DOCK5: variants seen among roughly 807,000 people sequenced by gnomAD.
DOCK5 encodes dedicator of cytokinesis protein 5.
Under a neutral mutation model 251.8 loss-of-function variants are expected in DOCK5, and 142 were observed. The observed-to-expected ratio is 0.56, with a 90% CI of 0.49 to 0.65. The LOEUF is 0.65. Among genes scored for constraint, DOCK5 ranks in the 30% least tolerant of loss-of-function variants. The pLI, the probability that DOCK5 is intolerant of heterozygous loss-of-function variation, is 0.00. For missense variants in DOCK5, 2,111 were observed against 2,312.3 expected, an observed-to-expected ratio of 0.91 and a Z score of 1.79; for synonymous variants, 842 against 835.5, an observed-to-expected ratio of 1.01 and a Z score of -0.13.
intron 18 of DOCK5, among the ~76,000 whole-genome samples, chr8:25,326,558 G>A (rs751356811): frequency 2.0e-5 from 3 of 152,142 alleles, no homozygotes; most frequent in Non-Finnish European, 2.9e-5. Context: ...CATAAAAGAC[G>A]TGACAAAACC....
chr8:25,352,579 C>A (rs75273648), intron 27 of DOCK5, among the ~76,000 whole-genome samples: 3,375 of 152,166 alleles, frequency 0.022, 51 homozygotes, highest in South Asian at 0.077. Flanking sequence ...ATATTAAAAT[C>A]GAATTAGATT....
At chr8:25,214,667 C>A (rs1439223661) in intron 1 of DOCK5, among the ~76,000 whole-genome samples, 1 of 152,172 alleles carries the variant, frequency 6.6e-6, no homozygotes, top group Non-Finnish European at 1.5e-5. Flanking sequence ...TAAATGCCAT[C>A]CCCTGGCACC....
rs575592805 is a variant in DOCK5 at position 25,394,962 on chromosome 8, G to T, written c.4528-581G>T. On this transcript the variant is annotated intron_variant, in intron 44 of 51. Transcript: ENST00000276440. ...GAAGGTGGGGGGTGTTGGGGGATAG[G>T]GGATGGTTTTGGAATGATTCAAGCA... Among the ~76,000 whole-genome samples, 66 of 152,086 alleles carry T rather than the reference G, an allele frequency of 4.3e-4. 1 individual carries two copies. Among genetic ancestry groups the T allele is most frequent in the South Asian group, 3.3e-3 (16 of 4,812 alleles).
At chr8:25,378,530 T>C (rs1801003280) in intron 38 of DOCK5, among the ~76,000 whole-genome samples, 1 of 152,304 alleles carries the variant, frequency 6.6e-6, no homozygotes, top group African/African-American at 2.4e-5. Context: ...CCAGAAACAA[T>C]GGAACATAGC....
chr8:25,362,751 T>C (rs1243888357), intron 28 of DOCK5, among the ~76,000 whole-genome samples: 2 of 152,178 alleles, frequency 1.3e-5, no homozygotes, highest in East Asian at 1.9e-4. Context: ...CTTCCTACTT[T>C]CTATGCCCTT....
chr8:25,323,877 G>A lies in DOCK5; in HGVS notation c.1645G>A (p.Val549Met), dbSNP rs746743155. The A allele has an allele frequency of 2.5e-6, 4 of 1,613,534 alleles. No individual in the cohort carries two copies. The highest frequency in any genetic ancestry group is 3.4e-6 in the Non-Finnish European group (4 of 1,179,718). ...TRDKSERAFG[V>M]AFVKLMNPDG... ...AGATAAATCGGAGCGAGCATTTGGG[G>A]TGGCCTTCGTGAAGCTGATGAACCC... Residue 549 changes from valine (V) to methionine (M), a missense_variant, in exon 17 of 52, where the codon GTG (valine) becomes ATG (methionine). Physicochemically the swap from Val to Met is conservative, Grantham distance 21 (BLOSUM62 1). This residue lies in a region of DOCK5 where 1,717 missense variants were observed against 1,892.4 expected (regional missense o/e 0.91). Coordinates refer to ENST00000276440, the MANE Select transcript of DOCK5 (RefSeq NM_024940.8).
chr8:25,302,509 C>T, intron 10 of DOCK5, 55 bp downstream of exon 10: 2 of 1,433,936 alleles, frequency 1.4e-6, no homozygotes, highest in Non-Finnish European at 1.8e-6. Flanking sequence ...TGGAAAATAG[C>T]ATGGCGATTT....
intron 2 of DOCK5, among the ~76,000 whole-genome samples, chr8:25,254,358 C>T (rs1803354716): frequency 6.6e-6 from 1 of 151,982 alleles, no homozygotes; most frequent in African/African-American, 2.4e-5. Context: ...ACACTGAAAA[C>T]ACAGTTATAT....
intron 5 of DOCK5, among the ~76,000 whole-genome samples, chr8:25,281,753 C>T (rs1804199504): frequency 1.3e-5 from 2 of 151,636 alleles, no homozygotes; most frequent in Non-Finnish European, 2.9e-5. Flanking sequence ...GTTGTGGCCA[C>T]CTGTAGTCCC....
At chr8:25,310,298 CT>C in intron 12 of DOCK5, 108 bp from the exon 13 acceptor site, 1 of 1,147,618 alleles carries the variant, frequency 8.7e-7, no homozygotes, top group Non-Finnish European at 1.2e-6. Context: ...GAATTTACAT[CT>C]TTACAGTAAG....
chr8:25,213,808 G>T (rs1281612826), intron 1 of DOCK5, among the ~76,000 whole-genome samples: 2 of 152,214 alleles, frequency 1.3e-5, no homozygotes, highest in African/African-American at 4.8e-5. Flanking sequence ...GGCTGAGGTG[G>T]AGTGTCCTCT....
chr8:25,397,234 G>A (rs1801361688), intron 45 of DOCK5, among the ~76,000 whole-genome samples: 1 of 151,194 alleles, frequency 6.6e-6, no homozygotes, highest in African/African-American at 2.4e-5. Flanking sequence ...AAAAAAAAAA[G>A]AAGAAAAATG....
intron 1 of DOCK5, among the ~76,000 whole-genome samples, chr8:25,211,430 C>T (rs1802120732): frequency 1.4e-5 from 1 of 71,054 alleles, no homozygotes; most frequent in African/African-American, 3.2e-5. Flanking sequence ...CAGGGCCTGG[C>T]ACACACCTAG....
At chr8:25,330,401 A>G (rs1390975045) in intron 18 of DOCK5, among the ~76,000 whole-genome samples, 3 of 152,218 alleles carry the variant, frequency 2.0e-5, no homozygotes, top group African/African-American at 7.2e-5. Context: ...CTATGGGAAG[A>G]GTCAAGGAGA....
chr8:25,392,881 C>A lies in DOCK5; in HGVS notation c.4526C>A (p.Thr1509Lys), dbSNP rs1356129547. The A allele has an allele frequency of 6.2e-7, 1 of 1,608,654 alleles. No individual in the cohort carries two copies. The highest frequency in any genetic ancestry group is 1.1e-5 in the South Asian group (1 of 90,014). The change falls in exon 44 of 52, where the codon ACA becomes AAA. Residue 1509 changes from threonine to lysine, a missense_variant and splice_region_variant. By Grantham distance (78) the Thr-to-Lys change is moderately conservative (BLOSUM62 -1). Around this residue, in one of 3 missense-constraint regions of DOCK5, gnomAD observed 1,717 missense variants for 1,892.4 expected, o/e 0.91. Transcript: ENST00000276440. ...TGGTTTGAAGTCAAACAGATTTCAA[C>A]AGTGAGTCATTTGAAATTGGCATTT... ...LKWFEVKQISTEEISPLENAI... is the reference protein window; with the variant it reads ...LKWFEVKQISKEEISPLENAI...
rs1376156801 is a variant in DOCK5, at chr8:25,213,443, C to G, written c.43+28492C>G. Among the ~76,000 whole-genome samples, 4 of 150,908 alleles carry G rather than the reference C, an allele frequency of 2.7e-5. No homozygotes were observed. In the East Asian group the frequency reaches 7.8e-4, roughly 29 times the overall value. On this transcript the variant is annotated intron_variant, in intron 1 of 51. Transcript: ENST00000276440. ...CTGCTGCAGCTATTTGTAACCTTTC[C>G]TTTGTGTGCGTCTGGTAGTGTCCCC...
intron 34 of DOCK5, 25 bp downstream of exon 34, chr8:25,369,666 G>GAA (rs1356143333): frequency 6.4e-7 from 1 of 1,574,080 alleles, no homozygotes. Context: ...AACGAAACCT[G>GAA]AAGTCAGTGG....
In DOCK5 at chr8:25,308,866, C is replaced by G; in HGVS notation, c.1133C>G (p.Pro378Arg). ...ITSHVIGENE[P>R]LTSVLNKVIA... The stretch of plus-strand genomic sequence containing the variant: ...TCACACGTGATTGGGGAGAATGAGC[C>G]ACTCACTTCAGTCTTGAATAAAGTG... The change falls in exon 12 of 52, where the codon CCA (proline) becomes CGA (arginine). Residue 378 changes from proline to arginine, a missense_variant. Coordinates refer to ENST00000276440, the MANE Select transcript of DOCK5 (RefSeq NM_024940.8). 1 of 1,613,850 alleles carries G rather than the reference C, an allele frequency of 6.2e-7. No homozygotes were observed. Among genetic ancestry groups the G allele is most frequent in the South Asian group, 1.1e-5 (1 of 91,068 alleles).
At chr8:25,401,173 G>T in intron 47 of DOCK5, 107 bp downstream of exon 47, 1 of 1,474,446 alleles carries the variant, frequency 6.8e-7, no homozygotes, top group South Asian at 1.3e-5. Flanking sequence ...CTTAGCTATG[G>T]CATGGAAATA....
Sources: allele counts gnomAD v4.1 joint callset (sites outside exome capture counted in the v4.1 genomes callset), GRCh38; gene constraint gnomAD v4.1.1; regional missense constraint gnomAD v4.1.1; transcripts MANE v1.5; gene names NCBI Gene and HGNC (gene_info 2026-07-23, HGNC 2026-07-21).